MGST1: variants seen among roughly 807,000 people sequenced by gnomAD.
MGST1 encodes microsomal glutathione S-transferase 1, also known as glutathione S-transferase 12.
In MGST1, 5 loss-of-function variants were observed where a neutral mutation model predicts 8.9. The ratio of observed to expected loss-of-function variants is 0.56; its 90% CI spans 0.29 to 1.19. The LOEUF (loss-of-function observed/expected upper bound fraction) is 1.19. MGST1 is among the 50% of genes most tolerant of loss of function. The pLI is 0.08. For synonymous variants in MGST1, 54 were observed against 67.8 expected (o/e 0.80, Z 1.00); for missense variants, 182 against 187.4 (o/e 0.97, Z 0.17).
chr12:16,368,687 A>T (rs1940235983), downstream of MGST1, among the ~76,000 whole-genome samples: 1 of 152,134 alleles, frequency 6.6e-6, no homozygotes, highest in South Asian at 2.1e-4. Context: ...CATGTACAAG[A>T]TTGTGGATGA....
chr12:16,569,198 T>C (rs1048703401), intron 4 of MGST1, among the ~76,000 whole-genome samples: 2 of 152,228 alleles, frequency 1.3e-5, no homozygotes, highest in Non-Finnish European at 2.9e-5. Context: ...AAATATCCCA[T>C]GTCTACACAC....
chr12:16,498,849 T>C (rs974980905), intron 4 of MGST1, among the ~76,000 whole-genome samples: 2 of 152,202 alleles, frequency 1.3e-5, no homozygotes, highest in African/African-American at 4.8e-5. Context: ...TTGGGTGTTA[T>C]ACTATTGACA....
intron 1 of MGST1, among the ~76,000 whole-genome samples, chr12:16,387,920 A>G (rs1940519349): frequency 6.6e-6 from 1 of 151,666 alleles, no homozygotes; most frequent in Non-Finnish European, 1.5e-5. Context: ...GTACAGTAAC[A>G]TGCTACGTAG....
At chr12:16,399,925 A>C in intron 1 of MGST1, 1 of 1,289,032 alleles carries the variant, frequency 7.8e-7, no homozygotes, top group Non-Finnish European at 1.1e-6. Context: ...ATCCAATGTC[A>C]CCACAAAAGG....
chr12:16,456,752 C>G (rs975871161), intron 4 of MGST1, among the ~76,000 whole-genome samples: 3 of 151,864 alleles, frequency 2.0e-5, no homozygotes, highest in Admixed American at 6.6e-5. Flanking sequence ...GCACCGTCAA[C>G]CTTTGGGCTT....
At chr12:16,364,503 C>T, downstream of MGST1, 2 of 586,228 alleles carry the variant, frequency 3.4e-6, no homozygotes, top group Non-Finnish European at 4.3e-6. This position sits in a 1 kb window ranked among gnomAD's most constrained non-coding sequence, Gnocchi z 5.7. Flanking sequence ...CACTCTGTAC[C>T]CTGCTTAGAA....
At chr12:16,468,052 T>C (rs1941266311) in intron 4 of MGST1, among the ~76,000 whole-genome samples, 1 of 152,200 alleles carries the variant, frequency 6.6e-6, no homozygotes, top group African/African-American at 2.4e-5. Flanking sequence ...TATGTCTACA[T>C]TGGCCAACTA....
At chr12:16,489,705 G>A (rs1300004321) in intron 4 of MGST1, among the ~76,000 whole-genome samples, 2 of 152,158 alleles carry the variant, frequency 1.3e-5, no homozygotes, top group East Asian at 3.9e-4. Flanking sequence ...AGTAGAGGTA[G>A]AGCAGGCAGA....
At chr12:16,355,204 CTTTTT>C (rs5796668) in intron 2 of MGST1, among the ~76,000 whole-genome samples, 1 of 125,194 alleles carries the variant, frequency 8.0e-6, no homozygotes, top group Non-Finnish European at 1.7e-5. Context: ...TTCCTTGTTA[CTTTTT>C]TTTTTTTTTT....
At chr12:16,473,308 C>T (rs144319055) in intron 4 of MGST1, among the ~76,000 whole-genome samples, 48 of 152,254 alleles carry the variant, frequency 3.2e-4, no homozygotes, top group African/African-American at 6.5e-4. Context: ...CATCCTACAA[C>T]GCACAGGACC....
chr12:16,498,580 T>C lies in MGST1; in HGVS notation n.483-90948T>C, dbSNP rs1941484747. On this transcript the variant is annotated intron_variant and non_coding_transcript_variant, in intron 4 of 4. Coordinates refer to the MGST1 transcript ENST00000538857. Reference sequence around the variant, plus strand: ...TCTTCTCAGGTACAGTTAATGCCAGTGCACTGTAACCCCTGTGGAAGGGCA... The same window carrying C: ...TCTTCTCAGGTACAGTTAATGCCAGCGCACTGTAACCCCTGTGGAAGGGCA... 2.0e-5 allele frequency among the ~76,000 whole-genome samples: 3 copies of C among 152,196 alleles called. No individual in the cohort carries two copies. In the South Asian group the frequency reaches 6.2e-4, roughly 32 times the overall value.
chr12:16,402,792 T>C (rs1016915047), intron 1 of MGST1, among the ~76,000 whole-genome samples: 25 of 151,864 alleles, frequency 1.6e-4, no homozygotes, highest in Non-Finnish European at 3.2e-4. Flanking sequence ...TCACTTGTAT[T>C]GATCTCCTTC....
chr12:16,444,547 A>G (rs1440203019), intron 4 of MGST1, among the ~76,000 whole-genome samples: 2 of 151,636 alleles, frequency 1.3e-5, no homozygotes, highest in Admixed American at 1.3e-4. Flanking sequence ...ACTTCAATAC[A>G]GACACCATCA....
downstream of MGST1, among the ~76,000 whole-genome samples, chr12:16,379,131 C>A (rs1309489734): frequency 6.6e-6 from 1 of 152,114 alleles, no homozygotes; most frequent in Non-Finnish European, 1.5e-5. Context: ...TAATTGAATA[C>A]CCTTTATTTC....
intron 4 of MGST1, among the ~76,000 whole-genome samples, chr12:16,532,934 G>A (rs1465460089): frequency 6.6e-6 from 1 of 152,038 alleles, no homozygotes; most frequent in African/African-American, 2.4e-5. Context: ...CCAAATCCCA[G>A]GAGAGATTAT....
intron 4 of MGST1, among the ~76,000 whole-genome samples, chr12:16,504,236 A>G (rs1056199421): frequency 6.6e-6 from 1 of 152,208 alleles, no homozygotes; most frequent in African/African-American, 2.4e-5. Flanking sequence ...ATTCAAAGAA[A>G]CATAGTCCAG....
At chr12:16,427,005 T>A (rs1393275554) in intron 1 of MGST1, among the ~76,000 whole-genome samples, 2 of 151,652 alleles carry the variant, frequency 1.3e-5, no homozygotes, top group Non-Finnish European at 1.5e-5. Context: ...AAAACAGAAT[T>A]ATATTCATTC....
chr12:16,400,701 G>A, intron 1 of MGST1: 3 of 1,430,000 alleles, frequency 2.1e-6, no homozygotes, highest in Non-Finnish European at 3.0e-6. Context: ...GCACTGCCTG[G>A]GCAATAAAAG....
chr12:16,422,112 G>A (rs73068121), intron 1 of MGST1, among the ~76,000 whole-genome samples: 30,766 of 152,132 alleles, frequency 0.2, 3,455 homozygotes, highest in Non-Finnish European at 0.25. Context: ...GAACTGGGGT[G>A]ATCATTGGAT....
Sources: allele counts gnomAD v4.1 joint callset (sites outside exome capture counted in the v4.1 genomes callset), GRCh38; gene constraint gnomAD v4.1.1; non-coding constraint Gnocchi (gnomAD v3.1); transcripts MANE v1.5; gene names NCBI Gene and HGNC (gene_info 2026-07-23, HGNC 2026-07-21).